The following ANKMY1 variants were observed in gnomAD, a reference collection of about 807,000 sequenced individuals.
The protein encoded by ANKMY1 is ankyrin repeat and MYND domain containing 1.
A neutral mutation model predicts 102.0 loss-of-function variants in ANKMY1; 98 were observed. That is an observed-to-expected ratio of 0.96 (90% CI 0.82 to 1.14). The LOEUF is 1.14. Ranked by LOEUF, ANKMY1 falls within the 50% of genes most tolerant of loss-of-function variation. The probability of loss-of-function intolerance (pLI) is 0.00; values close to 1 mark genes in which losing one functional copy is unlikely to be tolerated. For missense variants in ANKMY1, 1,330 were observed against 1,347.6 expected (o/e 0.99, Z 0.20); for synonymous variants, 582 against 559.9 (o/e 1.04, Z -0.56).
chr2:240,512,887 AC>A lies in ANKMY1; in HGVS notation c.2059del (p.Val687TyrfsTer37). On this transcript the variant is annotated frameshift_variant, in exon 10 of 18. Transcript: ENST00000401804. LOFTEE classifies it high-confidence loss of function. ...ATGCAACAGCAGCTCCACAATCTGT[AC>A]CCCCTCCTCCCCAGGAAGGGCGGCA... ...IAAALPGEEG[V>X]QIVELLLHAI... is the part of the protein sequence containing the mutation. The A allele has an allele frequency of 6.2e-7, 1 of 1,613,642 alleles. No homozygotes were observed. The highest frequency in any genetic ancestry group is 2.2e-5 in the East Asian group (1 of 44,862).
chr2:240,533,917 C>G (rs1226822266), intron 4 of ANKMY1, among the ~76,000 whole-genome samples: 1 of 152,214 alleles, frequency 6.6e-6, no homozygotes, highest in East Asian at 1.9e-4. Flanking sequence ...GTTTTGCTTT[C>G]CACAGTTTCA....
At chr2:240,490,739 T>G (rs1336618226) in intron 15 of ANKMY1, among the ~76,000 whole-genome samples, 2 of 152,192 alleles carry the variant, frequency 1.3e-5, no homozygotes, top group African/African-American at 2.4e-5. Context: ...ACTTGTTCTG[T>G]GGTCTAACGT....
At chr2:240,557,401 G>A (rs2092481020) in intron 1 of ANKMY1, 49 bp from the exon 2 acceptor site, 3 of 1,410,396 alleles carry the variant, frequency 2.1e-6, no homozygotes, top group South Asian at 1.6e-5. Flanking sequence ...CTCCCGCCGC[G>A]AACTCAGAGG....
At chr2:240,511,777 C>G in intron 11 of ANKMY1, 84 bp downstream of exon 11, 2 of 1,465,280 alleles carry the variant, frequency 1.4e-6, no homozygotes, top group Non-Finnish European at 1.8e-6. Context: ...CATGAGAACA[C>G]ATGCTTCCGG....
At position 240,507,677 on chromosome 2, in the gene ANKMY1, G is replaced by A. The variant is rs755220231; in HGVS notation, c.2409C>T (p.Leu803=). 1 of 1,607,894 alleles carries A rather than the reference G, an allele frequency of 6.2e-7. No individual in the cohort carries two copies. Among genetic ancestry groups the A allele is most frequent in the African/African-American group, 1.3e-5 (1 of 74,874 alleles). The part of the protein sequence containing the change: ...ASGNELVVKE[L]LTQGADPNLP... ...GGTTGGGGTCAGCTCCCTGGGTCAGGAGCTCCTTCACAACCTGAACATACA... is the reference window on the plus strand; with the variant it reads ...GGTTGGGGTCAGCTCCCTGGGTCAGAAGCTCCTTCACAACCTGAACATACA... The change falls in exon 13 of 18, where the codon CTC becomes CTT. Residue 803 remains leucine (L), a synonymous_variant. Transcript: ENST00000401804.
Position 240,511,965 on chromosome 2 carries a change from C to T in ANKMY1, c.2182G>A (p.Glu728Lys). 1 of 1,563,464 alleles carries T rather than the reference C, an allele frequency of 6.4e-7. No homozygotes were observed. Among genetic ancestry groups the T allele is most frequent in the Non-Finnish European group, 8.6e-7 (1 of 1,163,510 alleles). Residue 728 changes from glutamate (E) to lysine (K), a missense_variant, in exon 11 of 18, where the codon GAG (glutamate) becomes AAG (lysine). Glu to Lys is a moderately conservative substitution (Grantham distance 56). Coordinates refer to ENST00000401804, the MANE Select transcript of ANKMY1 (RefSeq NM_001282771.3). ...LLPSSLKLSN[E>K]PGPPQAYYST... ...TAGTAGGCTTGGGGAGGGCCTGGCT[C>T]ATTGCTGAGCTTCAGACTTGAGGGC...
At chr2:240,496,401 TA>T (rs2077272377) in intron 15 of ANKMY1, among the ~76,000 whole-genome samples, 1 of 140,928 alleles carries the variant, frequency 7.1e-6, no homozygotes, top group Non-Finnish European at 1.6e-5. Context: ...GATAGATAGA[TA>T]GATAGATAGA....
chr2:240,486,308 C>G (rs1392632336), intron 15 of ANKMY1, among the ~76,000 whole-genome samples: 1 of 152,144 alleles, frequency 6.6e-6, no homozygotes, highest in African/African-American at 2.4e-5. Context: ...ACCACACACG[C>G]ATGCACACAC....
chr2:240,529,541 A>G lies in ANKMY1; in HGVS notation c.481-32T>C, dbSNP rs2084804395. 3 of 1,555,898 alleles carry G rather than the reference A, an allele frequency of 1.9e-6. No individual in the cohort carries two copies. The highest frequency in any genetic ancestry group is 1.4e-5 in the African/African-American group (1 of 73,270). ...AGGAAGCGCAATAGACCGAGGAGAGATAACGCGACCCAGCTGCACATGTGA... is the reference window on the plus strand; with the variant it reads ...AGGAAGCGCAATAGACCGAGGAGAGGTAACGCGACCCAGCTGCACATGTGA... On this transcript the variant is annotated intron_variant, in intron 4 of 17. Transcript: ENST00000401804. This position sits in a 1 kb window ranked among gnomAD's most constrained non-coding sequence, Gnocchi z 4.2.
At position 240,512,912 on chromosome 2, in the gene ANKMY1, C is replaced by T; in HGVS notation, c.2035G>A (p.Ala679Thr). 6.2e-7 allele frequency: 1 copy of T among 1,613,932 alleles called. No individual in the cohort carries two copies. Among genetic ancestry groups the T allele is most frequent in the Non-Finnish European group, 8.5e-7 (1 of 1,179,936 alleles). The change falls in exon 10 of 18, where the codon GCC (alanine) becomes ACC (threonine). Residue 679 changes from alanine (A) to threonine (T), a missense_variant. Transcript: ENST00000401804. ...LSTLTPLHIAAALPGEEGVQI... is the reference protein window; with the variant it reads ...LSTLTPLHIATALPGEEGVQI... ...ACCCCCTCCTCCCCAGGAAGGGCGG[C>T]AGCGATGTGGAGTGGTGTCAGGGTG...
intron 8 of ANKMY1, 187 bp downstream of exon 8, chr2:240,523,698 C>T: frequency 1.0e-5 from 10 of 997,186 alleles, no homozygotes; most frequent in Non-Finnish European, 1.4e-5. Flanking sequence ...AACAGCCCGT[C>T]ACCGTGGCAC....
At chr2:240,516,061 G>A (rs1299118238) in intron 9 of ANKMY1, among the ~76,000 whole-genome samples, 1 of 151,778 alleles carries the variant, frequency 6.6e-6, no homozygotes, top group African/African-American at 2.4e-5. Flanking sequence ...AAAAAGGAGG[G>A]ACAGATTCAG....
intron 4 of ANKMY1, among the ~76,000 whole-genome samples, chr2:240,540,365 GC>G (rs1271866648): frequency 1.3e-5 from 2 of 152,144 alleles, no homozygotes; most frequent in African/African-American, 2.4e-5. Flanking sequence ...CGACCCAACA[GC>G]CCCATAGACA....
At chr2:240,523,779 G>A (rs1025219178) in intron 8 of ANKMY1, 106 bp downstream of exon 8, 10 of 1,477,440 alleles carry the variant, frequency 6.8e-6, no homozygotes, top group Middle Eastern at 2.4e-4. Context: ...CACATCTCCA[G>A]ACACAACGCC....
intron 10 of ANKMY1, 110 bp downstream of exon 10, chr2:240,512,692 G>A: frequency 7.3e-7 from 1 of 1,376,488 alleles, no homozygotes; most frequent in Non-Finnish European, 9.7e-7. Context: ...CAGGCCCCAA[G>A]CCAGGAGGCC....
chr2:240,475,347 T>G (rs907628703), downstream of ANKMY1, among the ~76,000 whole-genome samples: 1 of 151,800 alleles, frequency 6.6e-6, no homozygotes, highest in African/African-American at 2.4e-5. Context: ...ATTAGTTGTG[T>G]TTTTATGCAC....
chr2:240,500,188 C>A, intron 14 of ANKMY1, 65 bp from the exon 15 acceptor site: 1 of 1,482,360 alleles, frequency 6.7e-7, no homozygotes, highest in Non-Finnish European at 9.0e-7. Flanking sequence ...GGGTGACTCT[C>A]GGTGATCGAG....
chr2:240,549,051 C>T (rs1347708470), intron 4 of ANKMY1, among the ~76,000 whole-genome samples: 6 of 151,224 alleles, frequency 4.0e-5, no homozygotes, highest in South Asian at 2.1e-4. Flanking sequence ...GAGCCCGCAT[C>T]GCCAAGTCAA....
chr2:240,492,193 A>G (rs766424173), intron 15 of ANKMY1, among the ~76,000 whole-genome samples: 81 of 152,136 alleles, frequency 5.3e-4, no homozygotes, highest in Admixed American at 2.7e-3. Context: ...GGGTCTTGCT[A>G]TGTTGCCCAG....
Sources: allele counts gnomAD v4.1 joint callset (sites outside exome capture counted in the v4.1 genomes callset), GRCh38; gene constraint gnomAD v4.1.1; non-coding constraint Gnocchi (gnomAD v3.1); transcripts MANE v1.5; gene names NCBI Gene and HGNC (gene_info 2026-07-23, HGNC 2026-07-21).